AKR1C1: variants seen among roughly 807,000 people sequenced by gnomAD.
AKR1C1 encodes the protein 20 alpha-hydroxysteroid dehydrogenase.
AKR1C1 carries 32 observed loss-of-function variants against 40.6 expected under a neutral mutation model. The observed-to-expected ratio is 0.79, with a 90% CI of 0.60 to 1.06. AKR1C1 has a LOEUF of 1.06. Ranked by LOEUF, AKR1C1 falls within the 50% of genes least tolerant of loss-of-function variation. The pLI is 0.00. For missense variants in AKR1C1, 320 were observed against 363.5 expected (o/e 0.88, Z 0.97); for synonymous variants, 105 against 134.2 (o/e 0.78, Z 1.50).
chr10:4,973,752 G>A (rs1836476665), intron 7 of AKR1C1, among the ~76,000 whole-genome samples: 1 of 152,046 alleles, frequency 6.6e-6, no homozygotes, highest in Admixed American at 6.6e-5. Flanking sequence ...TATACGATAT[G>A]TGTGAAATAA....
rs1588562253 is a variant in AKR1C1 at position 4,972,632 on chromosome 10, C to G, written c.729C>G (p.Ala243=). ...PVLLEDPVLC[A]LAKKHKRTPA... The stretch of plus-strand genomic sequence containing the variant: ...TCTTGGAGGACCCAGTCCTTTGTGC[C>G]TTGGCAAAAAAGCACAAGCGAACCC... The change falls in exon 7 of 9, where the codon GCC becomes GCG. Residue 243 remains alanine (A), a synonymous_variant. Transcript: ENST00000380872. The G allele has an allele frequency of 1.9e-6, 3 of 1,613,498 alleles. No homozygotes were observed. In the East Asian group the frequency reaches 6.7e-5, roughly 36 times the overall value.
chr10:4,965,335 G>A (rs557303274), intron 1 of AKR1C1, among the ~76,000 whole-genome samples: 172 of 152,124 alleles, frequency 1.1e-3, no homozygotes, highest in Middle Eastern at 3.4e-3. Flanking sequence ...GCAGTGGTGC[G>A]ACCTCAGCTC....
Position 4,972,722 on chromosome 10 carries a change from T to A in AKR1C1, c.819T>A (p.Asn273Lys). 6.2e-7 allele frequency: 1 copy of A among 1,612,292 alleles called. No individual in the cohort carries two copies. Residue 273 changes from asparagine (N) to lysine (K), a missense_variant, in exon 7 of 9, where the codon AAT (asparagine) becomes AAA (lysine). Physicochemically the swap from Asn to Lys is moderately conservative, Grantham distance 94 (BLOSUM62 0). Coordinates refer to ENST00000380872, the MANE Select transcript of AKR1C1 (RefSeq NM_001353.6). The stretch of plus-strand genomic sequence containing the variant: ...TTGTGGTCCTGGCCAAGAGCTACAA[T>A]GAGCAGCGCATCAGACAGAACGTGC... ...RGVVVLAKSY[N>K]EQRIRQNVQV...
intron 1 of AKR1C1, among the ~76,000 whole-genome samples, chr10:4,964,777 A>C (rs1836306247): frequency 1.3e-5 from 2 of 152,200 alleles, no homozygotes; most frequent in Admixed American, 1.3e-4. Flanking sequence ...ATATCCTTAG[A>C]GTATACATTT....
intron 1 of AKR1C1, among the ~76,000 whole-genome samples, chr10:4,964,467 G>C (rs191122444): frequency 6.6e-6 from 1 of 152,182 alleles, no homozygotes; most frequent in African/African-American, 2.4e-5. Flanking sequence ...ATACAGCAAA[G>C]AAATGATCAA....
rs534739910 is a variant in AKR1C1 at position 4,972,434 on chromosome 10, G to A, written c.680+124G>A. On this transcript the variant is annotated intron_variant, in intron 6 of 8. Transcript: ENST00000380872. The stretch of plus-strand genomic sequence containing the variant: ...GGGTGAGGGAAGAATTTGCATTTCT[G>A]ACGAGATCCCAGGTGATGTTGAGGC... 184 of 1,384,598 alleles carry A rather than the reference G, an allele frequency of 1.3e-4. No individual in the cohort carries two copies. The African/African-American group carries it at 2.4e-3, about 18-fold the overall frequency. 85.8% of individuals were successfully genotyped at this position (1,384,598 alleles called of 1,614,324 possible).
In AKR1C1 at chr10:4,965,944, A is replaced by G; in HGVS notation, c.115A>G (p.Lys39Glu). The G allele has an allele frequency of 1.2e-6, 2 of 1,614,218 alleles. No individual in the cohort carries two copies. Among genetic ancestry groups the G allele is most frequent in the Non-Finnish European group, 1.7e-6 (2 of 1,180,014 alleles). ...VPKSKALEAT[K>E]LAIEAGFRHI... ...TAAAAGTAAAGCTTTAGAGGCCACC[A>G]AATTGGCAATTGAAGCTGGCTTCCG... Residue 39 changes from lysine (K) to glutamate (E), a missense_variant, in exon 2 of 9, where the codon AAA (lysine) becomes GAA (glutamate). Lys to Glu is a moderately conservative substitution (Grantham distance 56). Transcript: ENST00000380872.
At chr10:4,967,143 G>A (rs779076355) in intron 3 of AKR1C1, 100 bp downstream of exon 3, 1 of 1,265,654 alleles carries the variant, frequency 7.9e-7, no homozygotes, top group South Asian at 1.3e-5. Flanking sequence ...GAGGACATAG[G>A]GATTATAACA....
chr10:4,971,929 G>A (rs1290434148), intron 5 of AKR1C1, among the ~76,000 whole-genome samples: 1 of 150,078 alleles, frequency 6.7e-6, no homozygotes, highest in Non-Finnish European at 1.5e-5. Context: ...CCTCATCCCA[G>A]CTCTGAAATT....
chr10:4,972,587 G>A lies in AKR1C1; in HGVS notation c.684G>A (p.Val228=). Residue 228 remains valine (V), a synonymous_variant, in exon 7 of 9, where the codon GTG becomes GTA. Coordinates refer to ENST00000380872, the MANE Select transcript of AKR1C1 (RefSeq NM_001353.6). Reference sequence around the variant, plus strand: ...GCCTTTCTGCCTTTCCTTCCAGGGTGGACCCGAACTCCCCGGTGCTCTTGG... The same window carrying A: ...GCCTTTCTGCCTTTCCTTCCAGGGTAGACCCGAACTCCCCGGTGCTCTTGG... The part of the protein sequence containing the change: ...ALGSHREEPW[V]DPNSPVLLED... 1 of 1,613,802 alleles carries A rather than the reference G, an allele frequency of 6.2e-7. No individual in the cohort carries two copies. The highest frequency in any genetic ancestry group is 8.5e-7 in the Non-Finnish European group (1 of 1,179,932).
chr10:4,963,856 C>T (rs1836286366), intron 1 of AKR1C1: 1 of 764,408 alleles, frequency 1.3e-6, no homozygotes, highest in Non-Finnish European at 2.4e-6. Context: ...TTTACTTCTT[C>T]CAAGAAGATA....
intron 5 of AKR1C1, chr10:4,969,769 G>C: frequency 6.2e-7 from 1 of 1,603,612 alleles, no homozygotes; most frequent in Non-Finnish European, 8.5e-7. Context: ...ACACATTTCA[G>C]CATTAAAGTT....
In AKR1C1 at chr10:4,966,908, C is replaced by G. The variant is rs201721705; in HGVS notation, c.253-19C>G. On this transcript the variant is annotated intron_variant, in intron 2 of 8. Coordinates refer to ENST00000380872, the MANE Select transcript of AKR1C1 (RefSeq NM_001353.6). ...GCTCAAGTTTTCATTACACAACTTC[C>G]TTTCTCTAACCTCTGCAGCTTTGGT... is the stretch of plus-strand genomic sequence containing the variant. The G allele has an allele frequency of 0.018, 28,601 of 1,592,716 alleles. 327 individuals are homozygous for G. Among genetic ancestry groups the G allele is most frequent in the South Asian group, 0.037 (3,235 of 87,070 alleles).
chr10:4,966,933 T>A lies in AKR1C1; in HGVS notation c.259T>A (p.Cys87Ser), dbSNP rs13933. 9.1e-5 allele frequency: 146 copies of A among 1,612,300 alleles called. No homozygotes were observed. The highest frequency in any genetic ancestry group is 4.0e-4 in the African/African-American group (30 of 74,844). Residue 87 changes from cysteine (C) to serine (S), a missense_variant, in exon 3 of 9, where the codon TGC (cysteine) becomes AGC (serine). Coordinates refer to ENST00000380872, the MANE Select transcript of AKR1C1 (RefSeq NM_001353.6). ...EDIFYTSKLW[C>S]NSHRPELVRP... The stretch of plus-strand genomic sequence containing the variant: ...CTTTCTCTAACCTCTGCAGCTTTGG[T>A]GCAATTCCCATCGACCAGAGTTGGT...
intron 2 of AKR1C1, among the ~76,000 whole-genome samples, chr10:4,966,381 T>C (rs1836334294): frequency 6.6e-6 from 1 of 152,198 alleles, no homozygotes. Flanking sequence ...TATTATTTCT[T>C]ACCTCCTGGG....
At chr10:4,966,178 T>C (rs2131640947) in intron 2 of AKR1C1, 97 bp downstream of exon 2, 2 of 1,506,562 alleles carry the variant, frequency 1.3e-6, no homozygotes, top group Non-Finnish European at 8.9e-7. Context: ...GGGTGAATTG[T>C]GCTTATTTAT....
intron 5 of AKR1C1, among the ~76,000 whole-genome samples, chr10:4,971,889 G>A (rs559832631): frequency 6.0e-4 from 91 of 151,282 alleles, no homozygotes; most frequent in African/African-American, 2.1e-3. Context: ...TTTCTGGCAC[G>A]ATTTGATGCC....
Position 4,981,243 on chromosome 10 carries a change from A to C in AKR1C1, c.*3501A>C, listed in dbSNP as rs1308442694. ...TATAGAACACTTACAGAGTAGATATAGATTAAATCTTAAGGACCCTAGGAT... is the reference window on the plus strand; with the variant it reads ...TATAGAACACTTACAGAGTAGATATCGATTAAATCTTAAGGACCCTAGGAT... On this transcript the variant is annotated 3_prime_UTR_variant, in exon 9 of 9. Coordinates refer to ENST00000380872, the MANE Select transcript of AKR1C1 (RefSeq NM_001353.6). 6.6e-6 allele frequency: 1 copy of C among 152,238 alleles called. No homozygotes were observed. Among genetic ancestry groups the C allele is most frequent in the Non-Finnish European group, 1.5e-5 (1 of 68,036 alleles). 9.4% of individuals were successfully genotyped at this position (152,238 alleles called of 1,614,324 possible).
rs139493488 is a variant in AKR1C1 at position 4,965,807 on chromosome 10, C to T, written c.85-107C>T. 941 of 1,317,952 alleles carry T rather than the reference C, an allele frequency of 7.1e-4. 5 individuals carry two copies. The African/African-American group carries it at 0.011, about 15-fold the overall frequency. 81.6% of individuals were successfully genotyped at this position (1,317,952 alleles called of 1,614,324 possible). On this transcript the variant is annotated intron_variant, in intron 1 of 8. Coordinates refer to ENST00000380872, the MANE Select transcript of AKR1C1 (RefSeq NM_001353.6). The stretch of plus-strand genomic sequence containing the variant: ...GGCTCATGATTCTACATACAGAACT[C>T]ATCCAAGAAAGGAGGAAAAGCTGAT...
Sources: gnomAD v4.1 joint callset for allele counts (sites outside exome capture counted in the v4.1 genomes callset) on GRCh38, gnomAD v4.1.1 for gene constraint, MANE v1.5 for transcripts, NCBI Gene and HGNC (gene_info 2026-07-23, HGNC 2026-07-21) for gene names.